Variants in TRPC7 observed in about 807,000 individuals in gnomAD.
TRPC7 encodes the protein transient receptor potential cation channel subfamily C member 7.
Under a neutral mutation model 90.1 loss-of-function variants are expected in TRPC7, and 42 were observed. The ratio of observed to expected loss-of-function variants is 0.47; its 90% CI spans 0.36 to 0.60. The LOEUF (loss-of-function observed/expected upper bound fraction) is 0.60. TRPC7 is among the 20% of genes least tolerant of loss of function. The pLI is 0.00. For synonymous variants in TRPC7, 451 were observed against 436.3 expected (o/e 1.03, Z -0.42); for missense variants, 955 against 1,112.3 (o/e 0.86, Z 2.01).
intron 4 of TRPC7, among the ~76,000 whole-genome samples, 172 bp downstream of exon 4, chr5:136,274,501 G>A (rs909059713): frequency 2.0e-5 from 3 of 151,880 alleles, no homozygotes; most frequent in Non-Finnish European, 2.9e-5. Context: ...AAAAAAGCAC[G>A]TCTTAACATT....
intron 10 of TRPC7, among the ~76,000 whole-genome samples, chr5:136,217,128 C>T (rs868406523): frequency 1.1e-4 from 16 of 152,296 alleles, no homozygotes; most frequent in Middle Eastern, 6.8e-3. Flanking sequence ...TCTGAATCTT[C>T]CAAGAGATGA....
At chr5:136,292,047 G>C (rs1441471854) in intron 3 of TRPC7, among the ~76,000 whole-genome samples, 2 of 152,104 alleles carry the variant, frequency 1.3e-5, no homozygotes, top group Non-Finnish European at 2.9e-5. Context: ...TGACTACTGG[G>C]TACATAACGA....
chr5:136,258,562 A>C (rs1361144678), intron 5 of TRPC7, among the ~76,000 whole-genome samples: 1 of 152,202 alleles, frequency 6.6e-6, no homozygotes, highest in Non-Finnish European at 1.5e-5. Flanking sequence ...AAGGTCACTA[A>C]TAATTAAGGA....
chr5:136,267,347 G>A (rs2149812686), intron 4 of TRPC7, among the ~76,000 whole-genome samples: 1 of 152,252 alleles, frequency 6.6e-6, no homozygotes, highest in East Asian at 1.9e-4. Flanking sequence ...CCTCATCTAA[G>A]CACCAAGCCC....
Position 136,246,525 on chromosome 5 carries a change from A to G in TRPC7, c.1844+946T>C, listed in dbSNP as rs142834904. On this transcript the variant is annotated intron_variant, in intron 7 of 11. Transcript: ENST00000513104. The stretch of plus-strand genomic sequence containing the variant: ...CCAGATAGTCCCCCTGGAGAGGTCC[A>G]TCATGCCCATGCTGTGTATTCTGGT... 2.3e-3 allele frequency among the ~76,000 whole-genome samples: 357 copies of G among 152,286 alleles called. 2 individuals carry two copies. The highest frequency in any genetic ancestry group is 8.2e-3 in the African/African-American group (340 of 41,560).
chr5:136,290,817 G>A (rs1159406506), intron 3 of TRPC7, among the ~76,000 whole-genome samples: 1 of 152,140 alleles, frequency 6.6e-6, no homozygotes, highest in African/African-American at 2.4e-5. Flanking sequence ...CTTGAGAAGA[G>A]CAACTCCAAG....
chr5:136,316,726 G>T (rs1580946725), intron 2 of TRPC7, among the ~76,000 whole-genome samples: 1 of 152,138 alleles, frequency 6.6e-6, no homozygotes, highest in East Asian at 1.9e-4. Flanking sequence ...AATGTTTGAG[G>T]TTACCTCATA....
intron 5 of TRPC7, among the ~76,000 whole-genome samples, chr5:136,255,335 G>A (rs542175082): frequency 4.6e-5 from 7 of 152,216 alleles, no homozygotes; most frequent in East Asian, 1.9e-4. Context: ...AAATTGCCAC[G>A]GCCACTTTAA....
intron 3 of TRPC7, among the ~76,000 whole-genome samples, chr5:136,295,386 G>A (rs534039754): frequency 3.3e-5 from 5 of 152,150 alleles, no homozygotes; most frequent in African/African-American, 1.2e-4. Flanking sequence ...TCTGGTGAGA[G>A]GTTTAGCATC....
intron 1 of TRPC7, among the ~76,000 whole-genome samples, chr5:136,362,152 G>A (rs373556607): frequency 1.3e-5 from 2 of 152,028 alleles, no homozygotes; most frequent in African/African-American, 4.8e-5. Flanking sequence ...TTACCATGTA[G>A]ACACTGTCCT....
chr5:136,343,949 A>C (rs1759925314), intron 2 of TRPC7, among the ~76,000 whole-genome samples: 1 of 152,228 alleles, frequency 6.6e-6, no homozygotes, highest in African/African-American at 2.4e-5. Context: ...AAGGAATATA[A>C]ATCGTTCTAC....
At chr5:136,262,349 C>G (rs906491612) in intron 5 of TRPC7, among the ~76,000 whole-genome samples, 18 of 152,196 alleles carry the variant, frequency 1.2e-4, no homozygotes, top group Admixed American at 5.2e-4. Flanking sequence ...TCCTTGAACA[C>G]GTCCAGCTTG....
In TRPC7 at chr5:136,365,384, G is replaced by A; in HGVS notation, c.-130C>T. On this transcript the variant is annotated 5_prime_UTR_variant, in exon 1 of 12. Transcript: ENST00000513104. ...CTCCGTGGTGCTGAAGTATAGAGCT[G>A]GTCAAGTGAGTTAAGTTGCAACGAT... is the stretch of plus-strand genomic sequence containing the variant. The A allele has an allele frequency of 2.1e-6, 2 of 936,754 alleles. No homozygotes were observed. The highest frequency in any genetic ancestry group is 3.3e-6 in the Non-Finnish European group (2 of 610,280). 58.0% of individuals were successfully genotyped at this position (936,754 alleles called of 1,614,324 possible).
chr5:136,242,575 G>C (rs1489888862), intron 7 of TRPC7, among the ~76,000 whole-genome samples: 2 of 152,178 alleles, frequency 1.3e-5, no homozygotes, highest in African/African-American at 2.4e-5. Flanking sequence ...TGCCTGCATA[G>C]AGCCTGAAAT....
chr5:136,289,951 A>G (rs1239297100), intron 3 of TRPC7, among the ~76,000 whole-genome samples: 2 of 152,202 alleles, frequency 1.3e-5, no homozygotes, highest in Non-Finnish European at 2.9e-5. Flanking sequence ...AAACTTCCAG[A>G]GGAATGATCA....
At chr5:136,328,355 C>A (rs369697712) in intron 2 of TRPC7, among the ~76,000 whole-genome samples, 5 of 152,312 alleles carry the variant, frequency 3.3e-5, no homozygotes, top group African/African-American at 1.2e-4. Context: ...ACTTTATATG[C>A]TCTCTGCAGG....
chr5:136,282,705 T>C (rs1757584684), intron 3 of TRPC7, among the ~76,000 whole-genome samples: 1 of 152,212 alleles, frequency 6.6e-6, no homozygotes. Context: ...AAGGGCATAG[T>C]CATTGATTCA....
intron 2 of TRPC7, among the ~76,000 whole-genome samples, chr5:136,328,098 C>T (rs992234711): frequency 1.3e-5 from 2 of 152,144 alleles, no homozygotes; most frequent in African/African-American, 4.8e-5. Context: ...AGGATCAAGG[C>T]AAGTACCCTT....
At chr5:136,284,502 C>T (rs1357415808) in intron 3 of TRPC7, among the ~76,000 whole-genome samples, 1 of 152,214 alleles carries the variant, frequency 6.6e-6, no homozygotes, top group Non-Finnish European at 1.5e-5. Context: ...TACCTACACT[C>T]AAATCTATCT....
Sources: allele counts gnomAD v4.1 joint callset (sites outside exome capture counted in the v4.1 genomes callset), GRCh38; gene constraint gnomAD v4.1.1; transcripts MANE v1.5; gene names NCBI Gene and HGNC (gene_info 2026-07-23, HGNC 2026-07-21).